ZZEF1: variants seen among roughly 807,000 people sequenced by gnomAD.
The protein encoded by ZZEF1 is zinc finger ZZ-type and EF-hand domain-containing protein 1.
ZZEF1 carries 157 observed loss-of-function variants against 342.8 expected under a neutral mutation model. The ratio of observed to expected loss-of-function variants is 0.46; its 90% CI spans 0.40 to 0.52. ZZEF1 has a LOEUF of 0.52. ZZEF1 is among the 20% of genes least tolerant of loss of function. The pLI, the probability that ZZEF1 is intolerant of heterozygous loss-of-function variation, is 0.00. For synonymous variants in ZZEF1, 1,505 were observed against 1,429.1 expected, an observed-to-expected ratio of 1.05 and a Z score of -1.20; for missense variants, 3,480 against 3,725.6, an observed-to-expected ratio of 0.93 and a Z score of 1.72.
intron 29 of ZZEF1, 113 bp downstream of exon 29, chr17:4,064,248 G>C (rs2145231278): frequency 1.2e-6 from 1 of 855,076 alleles, no homozygotes; most frequent in East Asian, 2.5e-5. Context: ...AACAAGTCTT[G>C]ATCTATCCTA....
intron 42 of ZZEF1, among the ~76,000 whole-genome samples, chr17:4,028,651 T>C (rs893968579): frequency 6.6e-5 from 10 of 152,234 alleles, no homozygotes; most frequent in African/African-American, 1.9e-4. Context: ...TCAGATTGGA[T>C]TTTTTAAAAA....
Position 4,016,637 on chromosome 17 carries a change from C to T in ZZEF1, c.8002-171G>A. 2 of 658,566 alleles carry T rather than the reference C, an allele frequency of 3.0e-6. No individual in the cohort carries two copies. The highest frequency in any genetic ancestry group is 4.1e-5 in the South Asian group (2 of 49,118). 40.8% of individuals were successfully genotyped at this position (658,566 alleles called of 1,614,324 possible). On this transcript the variant is annotated intron_variant, in intron 48 of 54. Coordinates refer to ENST00000381638, the MANE Select transcript of ZZEF1 (RefSeq NM_015113.4). This position sits in a 1 kb window ranked among gnomAD's most constrained non-coding sequence, Gnocchi z 4.4. The stretch of plus-strand genomic sequence containing the variant: ...ACTCCACCAGCCACCTCTCACTTGA[C>T]CAGGCTCTTGGTGTCAATCAGGACA...
chr17:4,104,511 C>G (rs2058177876), intron 8 of ZZEF1, 122 bp downstream of exon 8: 1 of 1,031,166 alleles, frequency 9.7e-7, no homozygotes, highest in East Asian at 2.5e-5. Context: ...ATCCAGGAAT[C>G]ATGGTGTAAC....
intron 9 of ZZEF1, among the ~76,000 whole-genome samples, chr17:4,100,124 T>C (rs1457411489): frequency 1.3e-5 from 2 of 152,180 alleles, no homozygotes. Flanking sequence ...AAAGTGGTAC[T>C]TCCCCACTGT....
chr17:4,116,847 G>C (rs537103474), intron 3 of ZZEF1, 125 bp downstream of exon 3: 8 of 999,760 alleles, frequency 8.0e-6, no homozygotes, highest in Non-Finnish European at 1.2e-5. Context: ...ACATTCTTAC[G>C]TTACAAACTC....
intron 52 of ZZEF1, among the ~76,000 whole-genome samples, chr17:4,010,327 C>A (rs2055913748): frequency 6.6e-6 from 1 of 150,562 alleles, no homozygotes; most frequent in Admixed American, 6.6e-5. Flanking sequence ...GTACTCTGGC[C>A]TGGGCAACAG....
At chr17:4,010,724 C>CAAAAAAAAAAAAAAAAAAAAAAAA (rs58349682) in intron 52 of ZZEF1, among the ~76,000 whole-genome samples, 1 of 85,262 alleles carries the variant, frequency 1.2e-5, no homozygotes, top group Non-Finnish European at 2.1e-5. Flanking sequence ...GATTCCGTCT[C>CAAAAAAAAAAAAAAAAAAAAAAAA]AAAAAAAAAA....
chr17:4,129,596 T>G (rs980820355), intron 1 of ZZEF1, among the ~76,000 whole-genome samples: 2 of 151,990 alleles, frequency 1.3e-5, no homozygotes, highest in Non-Finnish European at 2.9e-5. Flanking sequence ...CCCAGCACTT[T>G]GGGAGGCCGA....
chr17:4,121,180 C>T (rs1256239402), intron 2 of ZZEF1, among the ~76,000 whole-genome samples: 2 of 152,206 alleles, frequency 1.3e-5, no homozygotes, highest in African/African-American at 2.4e-5. Context: ...CAGTACACTA[C>T]GAATTATCTG....
intron 24 of ZZEF1, 56 bp downstream of exon 24, chr17:4,074,094 G>A (rs995834493): frequency 1.1e-5 from 17 of 1,586,422 alleles, no homozygotes; most frequent in Middle Eastern, 1.9e-4. Flanking sequence ...GGGCAAGCGC[G>A]CATCTTGCAC....
chr17:4,016,052 G>GA lies in ZZEF1; in HGVS notation c.8145+270dup, dbSNP rs2056091538. On this transcript the variant is annotated intron_variant, in intron 49 of 54. Coordinates refer to ENST00000381638, the MANE Select transcript of ZZEF1 (RefSeq NM_015113.4). This position sits in a 1 kb window ranked among gnomAD's most constrained non-coding sequence, Gnocchi z 4.4. Reference sequence around the variant, plus strand: ...CTCACTCTGAGGAGCCTGCCGCAGGGAAAGTAAAGCTCTCCTCCAGGGCTA... The same window carrying GA: ...CTCACTCTGAGGAGCCTGCCGCAGGGAAAAGTAAAGCTCTCCTCCAGGGCTA... Among the ~76,000 whole-genome samples, 1 of 152,358 alleles carries GA rather than the reference G, an allele frequency of 6.6e-6. No individual in the cohort carries two copies. Among genetic ancestry groups the GA allele is most frequent in the Non-Finnish European group, 1.5e-5 (1 of 68,038 alleles).
chr17:4,047,796 C>T (rs570144121), intron 37 of ZZEF1, among the ~76,000 whole-genome samples: 1 of 148,508 alleles, frequency 6.7e-6, no homozygotes, highest in African/African-American at 2.5e-5. Context: ...AAAAAATTAG[C>T]TGGGCGTGGT....
intron 32 of ZZEF1, chr17:4,056,942 A>C (rs1404077456): frequency 6.6e-6 from 1 of 152,242 alleles, no homozygotes; most frequent in Non-Finnish European, 1.5e-5. Flanking sequence ...GCAAAATTGT[A>C]AATTTCCATA....
chr17:4,011,403 C>CAA lies in ZZEF1; in HGVS notation c.8580-1648_8580-1647dup, dbSNP rs56922547. Among the ~76,000 whole-genome samples the CAA allele has an allele frequency of 2.9e-3, 423 of 144,010 alleles. 2 individuals carry two copies. The highest frequency in any genetic ancestry group is 8.3e-3 in the African/African-American group (331 of 39,772). The allele number at this position is 144,010 out of a possible 152,430, so 94.5% of individuals were successfully genotyped here. A position where few individuals can be genotyped will look rare whatever the true frequency, so the allele number is the denominator to read the frequency against. ...TGGGCGAAAGAGCCAGACCATGTTT[C>CAA]AAAAAAAAAAAGGTAACGATGACTA... On this transcript the variant is annotated intron_variant, in intron 52 of 54. Transcript: ENST00000381638.
intron 31 of ZZEF1, 40 bp downstream of exon 31, chr17:4,059,131 T>C: frequency 1.4e-6 from 2 of 1,460,274 alleles, no homozygotes; most frequent in South Asian, 1.3e-5. Flanking sequence ...CAGAAAAAAA[T>C]ACATTTTTTT....
chr17:4,128,957 T>C (rs2058621412), intron 1 of ZZEF1, among the ~76,000 whole-genome samples: 2 of 151,374 alleles, frequency 1.3e-5, no homozygotes, highest in African/African-American at 4.9e-5. Flanking sequence ...TTAGTAGAGA[T>C]GGGGTTTCAC....
intron 52 of ZZEF1, among the ~76,000 whole-genome samples, chr17:4,010,984 G>A (rs1355834991): frequency 6.6e-6 from 1 of 151,936 alleles, no homozygotes; most frequent in African/African-American, 2.4e-5. Flanking sequence ...AGTTACTCAA[G>A]AGGCTGAGGT....
At chr17:4,081,328 C>T (rs1321690715) in intron 18 of ZZEF1, 48 bp downstream of exon 18, 2 of 1,491,910 alleles carry the variant, frequency 1.3e-6, no homozygotes, top group East Asian at 2.3e-5. Context: ...ACATCACGTG[C>T]CCCCACAAGC....
At position 4,116,957 on chromosome 17, in the gene ZZEF1, C is replaced by A; in HGVS notation, c.694+15G>T. The stretch of plus-strand genomic sequence containing the variant: ...TGATCAGAGTATTTTCAGGAGAACC[C>A]CCACACACACATACCCTTTTCCTTT... On this transcript the variant is annotated intron_variant, in intron 3 of 54. Transcript: ENST00000381638. 2 of 1,571,190 alleles carry A rather than the reference C, an allele frequency of 1.3e-6. No homozygotes were observed. The highest frequency in any genetic ancestry group is 1.7e-6 in the Non-Finnish European group (2 of 1,153,298).
Sources: allele counts gnomAD v4.1 joint callset (sites outside exome capture counted in the v4.1 genomes callset), GRCh38; gene constraint gnomAD v4.1.1; non-coding constraint Gnocchi (gnomAD v3.1); transcripts MANE v1.5; gene names NCBI Gene and HGNC (gene_info 2026-07-23, HGNC 2026-07-21).